TBCA: variants seen among roughly 807,000 people sequenced by gnomAD.
TBCA encodes tubulin folding cofactor A.
In TBCA, 6 loss-of-function variants were observed where a neutral mutation model predicts 15.8. That is an observed-to-expected ratio of 0.38 (90% CI 0.21 to 0.75). The LOEUF (loss-of-function observed/expected upper bound fraction) is 0.75, where lower values mean the gene tolerates loss of function less well. TBCA is among the 30% of genes least tolerant of loss of function. The pLI, the probability that TBCA is intolerant of heterozygous loss-of-function variation, is 0.46. For missense variants in TBCA, 90 were observed against 131.2 expected (o/e 0.69, Z 1.53); for synonymous variants, 32 against 42.3 (o/e 0.76, Z 0.94).
intron 1 of TBCA, among the ~76,000 whole-genome samples, chr5:77,744,271 A>G (rs164814): frequency 0.38 from 57,851 of 151,788 alleles, 11,057 homozygotes; most frequent in South Asian, 0.41. Context: ...TTCTGGAGAC[A>G]ATCTTGCTTG....
chr5:77,759,212 A>G (rs1042513021), intron 1 of TBCA, among the ~76,000 whole-genome samples: 3 of 152,234 alleles, frequency 2.0e-5, no homozygotes, highest in African/African-American at 7.2e-5. Context: ...CTTCCAGGTC[A>G]TAGGTAGATT....
At chr5:77,705,247 C>A (rs922144404) in intron 2 of TBCA, among the ~76,000 whole-genome samples, 17 of 151,814 alleles carry the variant, frequency 1.1e-4, no homozygotes, top group African/African-American at 4.1e-4. Flanking sequence ...CCTATTTTAG[C>A]TATAGGACTA....
chr5:77,705,996 A>G (rs561181276), intron 2 of TBCA, among the ~76,000 whole-genome samples: 1 of 152,318 alleles, frequency 6.6e-6, no homozygotes, highest in Middle Eastern at 3.4e-3. Flanking sequence ...AGCTTAATAA[A>G]ATAAGAAAGC....
chr5:77,693,114 T>G, intron 3 of TBCA, 152 bp downstream of exon 3: 1 of 1,487,816 alleles, frequency 6.7e-7, no homozygotes, highest in East Asian at 2.5e-5. Flanking sequence ...CAATTTAAAC[T>G]CCATTAATTA....
intron 2 of TBCA, among the ~76,000 whole-genome samples, chr5:77,706,732 A>C (rs1322571551): frequency 6.7e-6 from 1 of 149,886 alleles, no homozygotes; most frequent in East Asian, 2.0e-4. Context: ...AAATCAGCTG[A>C]GCCAGGAGGC....
At chr5:77,757,599 T>C (rs942360855) in intron 1 of TBCA, among the ~76,000 whole-genome samples, 6 of 152,202 alleles carry the variant, frequency 3.9e-5, no homozygotes, top group Admixed American at 2.0e-4. Flanking sequence ...CCTCAGCCAA[T>C]TGTCCTGTTG....
At position 77,717,867 on chromosome 5, in the gene TBCA, C is replaced by T. The variant is rs147632884; in HGVS notation, c.54-9520G>A. On this transcript the variant is annotated intron_variant, in intron 1 of 3. Coordinates refer to ENST00000380377, the MANE Select transcript of TBCA (RefSeq NM_004607.3). ...AAAAAAGGCCGGGGGCAGTGGCTTACGCCTGTAATCCCAGCACTTTGGGAG... is the reference window on the plus strand; with the variant it reads ...AAAAAAGGCCGGGGGCAGTGGCTTATGCCTGTAATCCCAGCACTTTGGGAG... Among the ~76,000 whole-genome samples, 604 of 151,590 alleles carry T rather than the reference C, an allele frequency of 4.0e-3. 6 individuals carry two copies. Among genetic ancestry groups the T allele is most frequent in the African/African-American group, 0.013 (546 of 41,314 alleles).
At chr5:77,760,788 C>A (rs1747604669) in intron 1 of TBCA, among the ~76,000 whole-genome samples, 1 of 152,226 alleles carries the variant, frequency 6.6e-6, no homozygotes, top group Non-Finnish European at 1.5e-5. Context: ...CACCTCCCAG[C>A]CGCCTGCCTT....
chr5:77,749,409 A>G (rs762944069), intron 1 of TBCA, among the ~76,000 whole-genome samples: 32 of 152,348 alleles, frequency 2.1e-4, no homozygotes, highest in Non-Finnish European at 3.7e-4. Flanking sequence ...GTTTTGATAA[A>G]TTTTAACTTT....
chr5:77,735,597 A>G (rs1167017748), intron 1 of TBCA, among the ~76,000 whole-genome samples: 2 of 152,216 alleles, frequency 1.3e-5, no homozygotes, highest in Non-Finnish European at 2.9e-5. Flanking sequence ...GTCCATATTT[A>G]TAATTAACTT....
chr5:77,717,438 C>T (rs1225709539), intron 1 of TBCA, among the ~76,000 whole-genome samples: 1 of 129,272 alleles, frequency 7.7e-6, no homozygotes, highest in Non-Finnish European at 1.7e-5. Flanking sequence ...ATTACCTATA[C>T]AATCCCCAGT....
chr5:77,692,138 A>G, intron 3 of TBCA: 3 of 984,260 alleles, frequency 3.0e-6, no homozygotes, highest in Non-Finnish European at 3.6e-6. Context: ...AATATTATCT[A>G]AAGTACACAG....
chr5:77,708,147 AAT>A, intron 2 of TBCA, 93 bp downstream of exon 2: 1 of 779,230 alleles, frequency 1.3e-6, no homozygotes, highest in East Asian at 2.8e-5. Flanking sequence ...AGTAAATAAT[AAT>A]ATAATCTCAG....
chr5:77,772,092 A>G (rs990515707), intron 1 of TBCA, among the ~76,000 whole-genome samples: 6 of 152,094 alleles, frequency 3.9e-5, no homozygotes, highest in Admixed American at 6.5e-5. Flanking sequence ...TTAAAAAAAA[A>G]AAAAGAAAAG....
At chr5:77,747,809 G>T (rs1747224767) in intron 1 of TBCA, among the ~76,000 whole-genome samples, 1 of 152,050 alleles carries the variant, frequency 6.6e-6, no homozygotes, top group South Asian at 2.1e-4. Flanking sequence ...TTAGATTTTA[G>T]ATTTTTGAAT....
chr5:77,751,274 G>C (rs922735591), intron 1 of TBCA, among the ~76,000 whole-genome samples: 5 of 148,850 alleles, frequency 3.4e-5, no homozygotes, highest in Admixed American at 2.7e-4. Context: ...TGATTCTCCT[G>C]CCTCAGCTTC....
At chr5:77,736,161 C>T (rs188641781) in intron 1 of TBCA, among the ~76,000 whole-genome samples, 159 of 152,030 alleles carry the variant, frequency 1.0e-3, no homozygotes, top group African/African-American at 3.3e-3. Context: ...AGTGAAACCC[C>T]GTCTCTAATA....
intron 2 of TBCA, among the ~76,000 whole-genome samples, chr5:77,699,606 T>C (rs549929111): frequency 3.7e-4 from 56 of 152,086 alleles, no homozygotes; most frequent in Middle Eastern, 6.8e-3. Context: ...AAGACTTAAA[T>C]ACAAACACAA....
intron 1 of TBCA, among the ~76,000 whole-genome samples, chr5:77,716,765 G>T (rs1746407135): frequency 6.6e-6 from 1 of 152,156 alleles, no homozygotes; most frequent in Non-Finnish European, 1.5e-5. Context: ...AATTACAGCA[G>T]GCATTGTTAG....
Sources: allele counts gnomAD v4.1 joint callset (sites outside exome capture counted in the v4.1 genomes callset), GRCh38; gene constraint gnomAD v4.1.1; transcripts MANE v1.5; gene names NCBI Gene and HGNC (gene_info 2026-07-23, HGNC 2026-07-21).